Variants in DICER1 observed in about 807,000 individuals in gnomAD.
DICER1 encodes the protein dicer 1, ribonuclease III, also known as endoribonuclease Dicer.
In DICER1, 43 loss-of-function variants were observed where a neutral mutation model predicts 194.1. That is an observed-to-expected ratio of 0.22 (90% CI 0.17 to 0.29). The LOEUF (loss-of-function observed/expected upper bound fraction) is 0.29. Among genes scored for constraint, DICER1 ranks in the 10% least tolerant of loss-of-function variants. The probability of loss-of-function intolerance (pLI) is 1.00; values close to 1 mark genes in which losing one functional copy is unlikely to be tolerated. For synonymous variants in DICER1, 832 were observed against 820.5 expected, an observed-to-expected ratio of 1.01 and a Z score of -0.24; for missense variants, 1,608 against 2,317.0, an observed-to-expected ratio of 0.69 and a Z score of 6.28.
intron 12 of DICER1, 111 bp downstream of exon 12, chr14:95,112,981 A>G (rs1344853463): frequency 2.2e-5 from 26 of 1,182,364 alleles, no homozygotes; most frequent in Admixed American, 3.6e-5. Context: ...TGCTCATGAA[A>G]GTAGATTTTA....
In DICER1 at chr14:95,124,069, T is replaced by C. The variant is rs1217121901; in HGVS notation, c.1376+127A>G. The C allele has an allele frequency of 8.5e-6, 6 of 707,534 alleles. No homozygotes were observed. Among genetic ancestry groups the C allele is most frequent in the South Asian group, 1.6e-5 (1 of 62,040 alleles). The allele number at this position is 707,534 out of a possible 1,614,324, so 43.8% of individuals were successfully genotyped here. A position where few individuals can be genotyped will look rare whatever the true frequency, so the allele number is the denominator to read the frequency against. ...CCAGGACAGCATGACGTATCAGCAA[T>C]GATGGCGCCAAGTCAAGGACACTTA... On this transcript the variant is annotated intron_variant, in intron 8 of 26. Coordinates refer to ENST00000343455, the MANE Select transcript of DICER1 (RefSeq NM_177438.3). The surrounding 1 kb of genome is among the most constrained non-coding windows in gnomAD (Gnocchi z 4.5).
intron 1 of DICER1, chr14:95,137,832 G>C (rs1894519221): frequency 6.5e-6 from 1 of 154,078 alleles, no homozygotes; most frequent in African/African-American, 2.4e-5. Flanking sequence ...AATTCTTTTT[G>C]AAACTGCAAA....
chr14:95,118,101 T>C (rs886875949), intron 8 of DICER1, among the ~76,000 whole-genome samples: 7 of 152,200 alleles, frequency 4.6e-5, no homozygotes, highest in African/African-American at 1.7e-4. Flanking sequence ...TCATAGATCT[T>C]GGCCTCGGGA....
chr14:95,149,440 C>A (rs964851424), intron 1 of DICER1, among the ~76,000 whole-genome samples: 1 of 152,170 alleles, frequency 6.6e-6, no homozygotes, highest in South Asian at 2.1e-4. Flanking sequence ...CCACCTCTCA[C>A]GAACCCCACC....
In DICER1 at chr14:95,118,999, ATG is replaced by A. The variant is rs539347849; in HGVS notation, c.1377-1247_1377-1246del. Among the ~76,000 whole-genome samples the A allele has an allele frequency of 5.3e-3, 807 of 152,258 alleles. 2 individuals carry two copies. The highest frequency in any genetic ancestry group is 0.018 in the African/African-American group (748 of 41,554). Reference sequence around the variant, plus strand: ...CAGAGCTCCCTTATTATGTTCCAAGATGTGTTTAATTATTTTAATAAATTTAA... The same window carrying A: ...CAGAGCTCCCTTATTATGTTCCAAGATGTTTAATTATTTTAATAAATTTAA... On this transcript the variant is annotated intron_variant, in intron 8 of 26. Coordinates refer to ENST00000343455, the MANE Select transcript of DICER1 (RefSeq NM_177438.3).
chr14:95,107,135 A>G (rs1393467903), intron 17 of DICER1, among the ~76,000 whole-genome samples: 1 of 152,114 alleles, frequency 6.6e-6, no homozygotes, highest in Non-Finnish European at 1.5e-5. Flanking sequence ...TTCCCACCTC[A>G]GCCCTGAGTA....
intron 7 of DICER1, among the ~76,000 whole-genome samples, chr14:95,125,552 C>T (rs921975778): frequency 3.3e-5 from 1 of 29,868 alleles, no homozygotes; most frequent in Non-Finnish European, 6.0e-5. Flanking sequence ...GGGAGAAGGT[C>T]GGGGGAGGGA....
rs1314692347 is a variant in DICER1 at position 95,117,713 on chromosome 14, T to C, written c.1418A>G (p.Tyr473Cys). The change falls in exon 9 of 27, where the codon TAT (tyrosine) becomes TGT (cysteine). Residue 473 changes from tyrosine to cysteine, a missense_variant. This residue lies in a region of DICER1 where 657 missense variants were observed against 910.1 expected (regional missense o/e 0.72). Transcript: ENST00000343455. ...TCCAGTTATGAAATTGCTACTGATA[T>C]AAGCCAGCTCTGGATCTTGTTTGCC... ...EAGKQDPELAYISSNFITGHG... is the reference protein window; with the variant it reads ...EAGKQDPELACISSNFITGHG... The C allele has an allele frequency of 1.2e-6, 2 of 1,613,940 alleles. No individual in the cohort carries two copies. The highest frequency in any genetic ancestry group is 1.7e-6 in the Non-Finnish European group (2 of 1,179,812).
chr14:95,119,128 T>C (rs1397746095), intron 8 of DICER1, among the ~76,000 whole-genome samples: 1 of 152,234 alleles, frequency 6.6e-6, no homozygotes, highest in Non-Finnish European at 1.5e-5. Flanking sequence ...CCAAATTTTA[T>C]ATAAATAAGC....
chr14:95,109,604 G>GT (rs1428269236), intron 14 of DICER1, among the ~76,000 whole-genome samples: 2 of 152,064 alleles, frequency 1.3e-5, no homozygotes, highest in Non-Finnish European at 2.9e-5. Flanking sequence ...GTGAAAATTT[G>GT]GTATGAGGAA....
In DICER1 at chr14:95,140,388, A is replaced by G. The variant is rs372782146; in HGVS notation, c.-45-6885T>C. On this transcript the variant is annotated intron_variant, in intron 1 of 26. Coordinates refer to ENST00000343455, the MANE Select transcript of DICER1 (RefSeq NM_177438.3). The stretch of plus-strand genomic sequence containing the variant: ...AAATACCACTGTGTCACAACGGCCT[A>G]CAGTATTCAATATAGTAACATGGTG... Among the ~76,000 whole-genome samples, 47 of 152,300 alleles carry G rather than the reference A, an allele frequency of 3.1e-4. No homozygotes were observed. The East Asian group carries it at 4.4e-3, about 14-fold the overall frequency.
chr14:95,133,381 A>C lies in DICER1; in HGVS notation c.78T>G (p.Pro26=). 6.2e-7 allele frequency: 1 copy of C among 1,614,176 alleles called. No homozygotes were observed. The highest frequency in any genetic ancestry group is 8.5e-7 in the Non-Finnish European group (1 of 1,180,028). The change falls in exon 2 of 27, where the codon CCT becomes CCG. Residue 26 remains proline (P), a synonymous_variant. Coordinates refer to ENST00000343455, the MANE Select transcript of DICER1 (RefSeq NM_177438.3). ...CTTGTTGCCATGGCAGTCCAAAGAA[A>C]GGACCCATTGGTGAGGAAGCAGGGG... ...LMTPASSPMG[P]FFGLPWQQEA... is the part of the protein sequence containing the mutation.
In DICER1 at chr14:95,111,317, T is replaced by C. The variant is rs1891935682; in HGVS notation, c.2256A>G (p.Ala752=). Residue 752 remains alanine (A), a splice_region_variant and synonymous_variant, in exon 14 of 27, where the codon GCA becomes GCG. Coordinates refer to ENST00000343455, the MANE Select transcript of DICER1 (RefSeq NM_177438.3). ...STKRRQCYPK[A]IPECLRDSYP... ...TTACTCTGTTCTAACCAATACTAAC[T>C]GCTTTTGGGTAGCACTGCCTTCGTT... The C allele has an allele frequency of 6.2e-7, 1 of 1,614,214 alleles. No individual in the cohort carries two copies. Among genetic ancestry groups the C allele is most frequent in the African/African-American group, 1.3e-5 (1 of 75,076 alleles).
chr14:95,139,667 T>C (rs1348859946), intron 1 of DICER1, among the ~76,000 whole-genome samples: 1 of 152,222 alleles, frequency 6.6e-6, no homozygotes, highest in African/African-American at 2.4e-5. Flanking sequence ...GACTCATGAA[T>C]GTCCACACAA....
At chr14:95,108,231 G>T in intron 15 of DICER1, 93 bp downstream of exon 15, 1 of 1,342,562 alleles carries the variant, frequency 7.4e-7, no homozygotes, top group Non-Finnish European at 1.1e-6. Flanking sequence ...TAAACATACT[G>T]AGGTAACAAA....
At position 95,103,843 on chromosome 14, in the gene DICER1, C is replaced by G. The variant is rs150514959; in HGVS notation, c.3553G>C (p.Ala1185Pro). 6.2e-7 allele frequency: 1 copy of G among 1,613,916 alleles called. No homozygotes were observed. Among genetic ancestry groups the G allele is most frequent in the Non-Finnish European group, 8.5e-7 (1 of 1,180,028 alleles). The change falls in exon 21 of 27, where the codon GCC becomes CCC. Residue 1185 changes from alanine (A) to proline (P), a missense_variant. This residue lies in a region of DICER1 where 222 missense variants were observed against 215.5 expected (regional missense o/e 1.03). Coordinates refer to ENST00000343455, the MANE Select transcript of DICER1 (RefSeq NM_177438.3). ...TTAGCTAAATCATAACTGCCATTGG[C>G]GAGATTTTGATTGTAAGAAAGACCA... ...INGLSYNQNL[A>P]NGSYDLANRD... is the part of the protein sequence containing the mutation.
At position 95,090,340 on chromosome 14, in the gene DICER1, G is replaced by A; in HGVS notation, c.*158C>T. On this transcript the variant is annotated 3_prime_UTR_variant, in exon 27 of 27. Transcript: ENST00000343455. ...CCAAAATTTTATACATATGTTAAAT[G>A]TTTTATTCTGTTATCTATCCTGTTA... is the stretch of plus-strand genomic sequence containing the variant. 1.3e-6 allele frequency: 1 copy of A among 795,428 alleles called. No individual in the cohort carries two copies. The highest frequency in any genetic ancestry group is 1.7e-5 in the South Asian group (1 of 59,310). 49.3% of individuals were successfully genotyped at this position (795,428 alleles called of 1,614,324 possible).
intron 15 of DICER1, 73 bp downstream of exon 15, chr14:95,108,251 C>T: frequency 1.4e-6 from 2 of 1,412,580 alleles, no homozygotes; most frequent in African/African-American, 1.4e-5. Flanking sequence ...AAGGTACTTA[C>T]TACTAGTTTT....
chr14:95,099,759 C>T (rs200057362), intron 22 of DICER1, 21 bp downstream of exon 22: 2 of 1,294,680 alleles, frequency 1.5e-6, no homozygotes, highest in African/African-American at 1.5e-5. Flanking sequence ...CACACACACA[C>T]ACACACACAC....
Sources: gnomAD v4.1 joint callset for allele counts (sites outside exome capture counted in the v4.1 genomes callset) on GRCh38, gnomAD v4.1.1 for gene constraint, gnomAD v4.1.1 regional missense constraint, Gnocchi (gnomAD v3.1) non-coding constraint, MANE v1.5 for transcripts, NCBI Gene and HGNC (gene_info 2026-07-23, HGNC 2026-07-21) for gene names.